The following CERS3 variants were observed in gnomAD, a reference collection of about 807,000 sequenced individuals.
CERS3 encodes the protein LAG1 homolog, ceramide synthase 3.
Under a neutral mutation model 50.3 loss-of-function variants are expected in CERS3, and 33 were observed. The ratio of observed to expected loss-of-function variants is 0.66; its 90% CI spans 0.50 to 0.88. The LOEUF (loss-of-function observed/expected upper bound fraction) is 0.88, where lower values mean the gene tolerates loss of function less well. CERS3 is among the 40% of genes least tolerant of loss of function. The pLI, the probability that CERS3 is intolerant of heterozygous loss-of-function variation, is 0.00. For missense variants in CERS3, 470 were observed against 460.3 expected, an observed-to-expected ratio of 1.02 and a Z score of -0.19; for synonymous variants, 176 against 155.2, an observed-to-expected ratio of 1.13 and a Z score of -0.99.
At chr15:100,436,417 A>G (rs1162683934) in intron 11 of CERS3, among the ~76,000 whole-genome samples, 1 of 152,190 alleles carries the variant, frequency 6.6e-6, no homozygotes, top group Non-Finnish European at 1.5e-5. Context: ...GTAGAAGTTG[A>G]ACAACGAGAA....
intron 10 of CERS3, among the ~76,000 whole-genome samples, chr15:100,459,694 C>T (rs560869927): frequency 1.6e-4 from 25 of 152,276 alleles, no homozygotes; most frequent in African/African-American, 6.0e-4. Context: ...TATAATGTTA[C>T]ACTGCTTTCC....
chr15:100,522,878 T>C (rs2036678718), intron 1 of CERS3, among the ~76,000 whole-genome samples: 1 of 152,264 alleles, frequency 6.6e-6, no homozygotes, highest in South Asian at 2.1e-4. Context: ...AAGGCATATG[T>C]ATATTCAGTT....
At chr15:100,443,004 T>C (rs1299861387) in intron 11 of CERS3, among the ~76,000 whole-genome samples, 2 of 151,748 alleles carry the variant, frequency 1.3e-5, no homozygotes, top group East Asian at 3.9e-4. Flanking sequence ...CAATACTCTT[T>C]TAAGCACTCC....
intron 1 of CERS3, among the ~76,000 whole-genome samples, chr15:100,538,418 C>G (rs1417553076): frequency 6.6e-6 from 1 of 152,258 alleles, no homozygotes; most frequent in Non-Finnish European, 1.5e-5. Context: ...CAAATTTCTG[C>G]CTAGACATCC....
chr15:100,480,478 G>GTT lies in CERS3; in HGVS notation c.408-434_408-433dup, dbSNP rs138982067. Reference sequence around the variant, plus strand: ...TCCCCATTTAATTCCCAGTTAAAAGGTTTTTATGTGGCCAGACTTTACTCT... The same window carrying GTT: ...TCCCCATTTAATTCCCAGTTAAAAGGTTTTTTTATGTGGCCAGACTTTACTCT... On this transcript the variant is annotated intron_variant, in intron 5 of 11. Coordinates refer to ENST00000679737, the MANE Select transcript of CERS3 (RefSeq NM_001378789.1). Among the ~76,000 whole-genome samples, 203 of 152,240 alleles carry GTT rather than the reference G, an allele frequency of 1.3e-3. 1 individual carries two copies. The highest frequency in any genetic ancestry group is 4.7e-3 in the African/African-American group (197 of 41,538).
upstream of CERS3, among the ~76,000 whole-genome samples, chr15:100,533,771 G>A (rs142613202): frequency 4.1e-3 from 624 of 152,054 alleles, 6 homozygotes; most frequent in African/African-American, 0.014. Flanking sequence ...TGTTAGCCAG[G>A]ATGGTCTCGA....
rs558255178 is a variant in CERS3 at position 100,484,770 on chromosome 15, A to T, written c.289-102T>A. On this transcript the variant is annotated intron_variant, in intron 4 of 11. Coordinates refer to ENST00000679737, the MANE Select transcript of CERS3 (RefSeq NM_001378789.1). ...AGTTACAAGAGCTTCGGTACTGGGG[A>T]TGAGAGAAATTCTGTCATGAGACCT... The T allele has an allele frequency of 4.9e-6, 4 of 821,972 alleles. 1 individual carries two copies. In the South Asian group the frequency reaches 5.9e-5, roughly 12 times the overall value. The allele number at this position is 821,972 out of a possible 1,614,324, so 50.9% of individuals were successfully genotyped here. A position where few individuals can be genotyped will look rare whatever the true frequency, so the allele number is the denominator to read the frequency against.
At chr15:100,477,624 A>T (rs1157570896) in intron 7 of CERS3, among the ~76,000 whole-genome samples, 3 of 152,210 alleles carry the variant, frequency 2.0e-5, no homozygotes, top group African/African-American at 4.8e-5. Context: ...CTAAGAATAA[A>T]TTCAAAGAAG....
In CERS3 at chr15:100,428,672, G is replaced by T. The variant is rs185914581; in HGVS notation, c.1000-25807C>A. Among the ~76,000 whole-genome samples, 30 of 152,324 alleles carry T rather than the reference G, an allele frequency of 2.0e-4. 1 individual carries two copies. The highest frequency in any genetic ancestry group is 6.5e-4 in the African/African-American group (27 of 41,578). On this transcript the variant is annotated intron_variant, in intron 11 of 11. Coordinates refer to ENST00000679737, the MANE Select transcript of CERS3 (RefSeq NM_001378789.1). ...TCAAAAAATCCTTTTAATACCCTGT[G>T]CCCTGTGCAAGACATTGGAGATATA...
chr15:100,512,728 C>A (rs2036382398), intron 2 of CERS3, among the ~76,000 whole-genome samples: 1 of 152,068 alleles, frequency 6.6e-6, no homozygotes, highest in South Asian at 2.1e-4. Context: ...TCTTTATGTG[C>A]TTTACTCTAA....
At chr15:100,476,917 A>G (rs996533186) in intron 7 of CERS3, among the ~76,000 whole-genome samples, 1 of 152,152 alleles carries the variant, frequency 6.6e-6, no homozygotes, top group Non-Finnish European at 1.5e-5. Flanking sequence ...GAGACTTTAT[A>G]AGTACCATGT....
chr15:100,473,058 AG>A lies in CERS3; in HGVS notation c.610-7del. 1 of 1,610,398 alleles carries A rather than the reference AG, an allele frequency of 6.2e-7. No homozygotes were observed. Among genetic ancestry groups the A allele is most frequent in the Middle Eastern group, 1.7e-4 (1 of 6,040 alleles). On this transcript the variant is annotated splice_region_variant and splice_polypyrimidine_tract_variant and intron_variant, in intron 8 of 11. Transcript: ENST00000679737. ...ATGATATGAGCTAGAAAATCCTGTA[AG>A]ATGAGGGAAAATGGAAGCCATTAAG...
In CERS3 at chr15:100,429,757, A is replaced by T. The variant is rs182650755; in HGVS notation, c.999+26136T>A. ...AAAAGCTTCACCATCTGTGTTTCTT[A>T]AATAAACATACTTATCCACAGCCAT... On this transcript the variant is annotated intron_variant, in intron 11 of 11. Coordinates refer to ENST00000679737, the MANE Select transcript of CERS3 (RefSeq NM_001378789.1). Among the ~76,000 whole-genome samples, 11 of 152,260 alleles carry T rather than the reference A, an allele frequency of 7.2e-5. No individual in the cohort carries two copies. The East Asian group carries it at 1.9e-3, about 27-fold the overall frequency.
chr15:100,404,571 C>A (rs117375700), intron 11 of CERS3, among the ~76,000 whole-genome samples: 3 of 152,078 alleles, frequency 2.0e-5, no homozygotes, highest in African/African-American at 7.2e-5. Context: ...GTAGATTCCA[C>A]GCAATACTAA....
At position 100,400,497 on chromosome 15, in the gene CERS3, T is replaced by C. The variant is rs906055466; in HGVS notation, c.*2216A>G. 1 of 152,198 alleles carries C rather than the reference T, an allele frequency of 6.6e-6. No individual in the cohort carries two copies. Among genetic ancestry groups the C allele is most frequent in the African/African-American group, 2.4e-5 (1 of 41,438 alleles). 9.4% of individuals were successfully genotyped at this position (152,198 alleles called of 1,614,324 possible). A position where few individuals can be genotyped will look rare whatever the true frequency, so the allele number is the denominator to read the frequency against. On this transcript the variant is annotated 3_prime_UTR_variant, in exon 12 of 12. Transcript: ENST00000679737. Reference sequence around the variant, plus strand: ...CATCTGAAGAATCCTGAGCCCTTGTTTCCTGTAGAAAGAGTGGTTTCCTTT... The same window carrying C: ...CATCTGAAGAATCCTGAGCCCTTGTCTCCTGTAGAAAGAGTGGTTTCCTTT...
At chr15:100,438,563 C>T (rs1004242091) in intron 11 of CERS3, among the ~76,000 whole-genome samples, 4 of 152,162 alleles carry the variant, frequency 2.6e-5, no homozygotes, top group Admixed American at 2.0e-4. Flanking sequence ...AGTTAAGAGA[C>T]TCAAGTTCTA....
intron 10 of CERS3, among the ~76,000 whole-genome samples, chr15:100,459,109 A>C (rs756871809): frequency 1.2e-4 from 19 of 152,226 alleles, no homozygotes; most frequent in Non-Finnish European, 2.6e-4. Context: ...CAACAAAACC[A>C]GGCAATAGGC....
intron 11 of CERS3, among the ~76,000 whole-genome samples, chr15:100,413,691 A>T (rs1475804814): frequency 6.6e-6 from 1 of 152,022 alleles, no homozygotes; most frequent in East Asian, 1.9e-4. Flanking sequence ...GGGGAAAAAG[A>T]AACACTCATA....
chr15:100,477,665 A>T (rs1355869754), intron 7 of CERS3, among the ~76,000 whole-genome samples: 1 of 152,232 alleles, frequency 6.6e-6, no homozygotes, highest in Non-Finnish European at 1.5e-5. Context: ...AATTCTGCAT[A>T]TGCCAGTTTA....
Sources: allele counts gnomAD v4.1 joint callset (sites outside exome capture counted in the v4.1 genomes callset), GRCh38; gene constraint gnomAD v4.1.1; transcripts MANE v1.5; gene names NCBI Gene and HGNC (gene_info 2026-07-23, HGNC 2026-07-21).